Variants in PCDHGA1 observed in about 807,000 individuals in gnomAD.
The protein encoded by PCDHGA1 is protocadherin gamma subfamily A, 1, also known as protocadherin gamma-A1.
Under a neutral mutation model 58.0 loss-of-function variants are expected in PCDHGA1, and 32 were observed. The observed-to-expected ratio is 0.55, with a 90% CI of 0.42 to 0.74. The LOEUF (loss-of-function observed/expected upper bound fraction) is 0.74. Ranked by LOEUF, PCDHGA1 falls within the 30% of genes least tolerant of loss-of-function variation. The pLI, the probability that PCDHGA1 is intolerant of heterozygous loss-of-function variation, is 0.00. For synonymous variants in PCDHGA1, 498 were observed against 501.1 expected (o/e 0.99, Z 0.08); for missense variants, 1,205 against 1,182.3 (o/e 1.02, Z -0.28).
chr5:141,420,188 A>G (rs775537913), intron 1 of PCDHGA1: 1 of 1,613,848 alleles, frequency 6.2e-7, no homozygotes, highest in South Asian at 1.1e-5. Context: ...TTGTCCAGCC[A>G]CACAAGATAA....
In PCDHGA1 at chr5:141,394,367, A is replaced by G. The variant is rs201573539; in HGVS notation, c.2421+61262A>G. 248 of 1,614,150 alleles carry G rather than the reference A, an allele frequency of 1.5e-4. 1 individual carries two copies. Among genetic ancestry groups the G allele is most frequent in the Middle Eastern group, 1.2e-3 (7 of 6,062 alleles). The stretch of plus-strand genomic sequence containing the variant: ...ACACCGGTGTCCTGTATGCGCTGCA[A>G]TCTTTCGACTATGAGCAGATCCGAG... On this transcript the variant is annotated intron_variant, in intron 1 of 3. Coordinates refer to ENST00000517417, the MANE Select transcript of PCDHGA1 (RefSeq NM_018912.3).
intron 1 of PCDHGA1, chr5:141,341,300 G>C: frequency 6.2e-7 from 1 of 1,614,232 alleles, no homozygotes; most frequent in Non-Finnish European, 8.5e-7. Flanking sequence ...CAACTATGCG[G>C]ACACGCTCAT....
chr5:141,343,918 G>A, intron 1 of PCDHGA1: 1 of 951,184 alleles, frequency 1.1e-6, no homozygotes, highest in South Asian at 2.1e-5. Context: ...TAGTCAACCA[G>A]CTGTTTGACC....
At chr5:141,504,660 C>T (rs1002186811) in intron 2 of PCDHGA1, among the ~76,000 whole-genome samples, 8 of 101,980 alleles carry the variant, frequency 7.8e-5, no homozygotes, top group Admixed American at 5.7e-4. Flanking sequence ...TGTTTGAGGG[C>T]GGGGGGTGGG....
At position 141,491,834 on chromosome 5, in the gene PCDHGA1, C is replaced by T; in HGVS notation, c.2422-2973C>T. 6 of 1,473,830 alleles carry T rather than the reference C, an allele frequency of 4.1e-6. No homozygotes were observed. The highest frequency in any genetic ancestry group is 5.4e-6 in the Non-Finnish European group (6 of 1,112,366). The allele number at this position is 1,473,830 out of a possible 1,614,324, so 91.3% of individuals were successfully genotyped here. ...CGCTGGCTGCGCTCCACCCGATTCTCGGGATCATTGGACCGTTTGCGCGAA... is the reference window on the plus strand; with the variant it reads ...CGCTGGCTGCGCTCCACCCGATTCTTGGGATCATTGGACCGTTTGCGCGAA... On this transcript the variant is annotated intron_variant, in intron 1 of 3. Transcript: ENST00000517417. This position sits in a 1 kb window ranked among gnomAD's most constrained non-coding sequence, Gnocchi z 6.9.
rs764482722 is a variant in PCDHGA1 at position 141,432,066 on chromosome 5, C to T, written c.2422-62741C>T. 62 of 1,614,062 alleles carry T rather than the reference C, an allele frequency of 3.8e-5. No individual in the cohort carries two copies. The highest frequency in any genetic ancestry group is 5.2e-5 in the Non-Finnish European group (61 of 1,180,046). On this transcript the variant is annotated intron_variant, in intron 1 of 3. Coordinates refer to ENST00000517417, the MANE Select transcript of PCDHGA1 (RefSeq NM_018912.3). The surrounding 1 kb of genome is among the most constrained non-coding windows in gnomAD (Gnocchi z 6.0). ...GGAACCCCGCCCCTATCCACGGAAA[C>T]TCATATCTCGCTGAACGTGGCAGAC...
rs1490049668 is a variant in PCDHGA1 at position 141,344,911 on chromosome 5, A to T, written c.2421+11806A>T. 3 of 1,613,804 alleles carry T rather than the reference A, an allele frequency of 1.9e-6. No individual in the cohort carries two copies. In the Admixed American group the frequency reaches 5.0e-5, roughly 27 times the overall value. The stretch of plus-strand genomic sequence containing the variant: ...CCTGGGAAAATCGCTGAGATTTTCC[A>T]TCTTAACTCAGTGAGTGGAGAAGTA... On this transcript the variant is annotated intron_variant, in intron 1 of 3. Coordinates refer to ENST00000517417, the MANE Select transcript of PCDHGA1 (RefSeq NM_018912.3).
chr5:141,356,260 A>G (rs1474852125), intron 1 of PCDHGA1: 2 of 1,566,346 alleles, frequency 1.3e-6, no homozygotes, highest in Non-Finnish European at 8.7e-7. Context: ...ATCTCTCACC[A>G]GCTCAGTCCA....
At chr5:141,433,926 A>T (rs2154556019) in intron 1 of PCDHGA1, among the ~76,000 whole-genome samples, 1 of 151,830 alleles carries the variant, frequency 6.6e-6, no homozygotes, top group African/African-American at 2.4e-5. Context: ...CCAAATGAAG[A>T]TTTTATAATT....
chr5:141,351,903 T>G (rs1367972481), intron 1 of PCDHGA1: 63 of 1,613,408 alleles, frequency 3.9e-5, no homozygotes, highest in Non-Finnish European at 5.2e-5. Flanking sequence ...CGCGTGTTGG[T>G]GGGCGACCTC....
chr5:141,502,457 A>G lies in PCDHGA1; in HGVS notation c.2481-2936A>G, dbSNP rs950959171. 6.6e-5 allele frequency among the ~76,000 whole-genome samples: 10 copies of G among 151,926 alleles called. No individual in the cohort carries two copies. The South Asian group carries it at 1.7e-3, about 25-fold the overall frequency. On this transcript the variant is annotated intron_variant, in intron 2 of 3. Coordinates refer to ENST00000517417, the MANE Select transcript of PCDHGA1 (RefSeq NM_018912.3). The stretch of plus-strand genomic sequence containing the variant: ...TTAGATTCAGATTACACACCTTGGT[A>G]GGAATACTTCCCGCAGCATCACACT...
chr5:141,459,756 G>A (rs1455980132), intron 1 of PCDHGA1, among the ~76,000 whole-genome samples: 1 of 152,118 alleles, frequency 6.6e-6, no homozygotes, highest in Non-Finnish European at 1.5e-5. Flanking sequence ...AATTCTAGTG[G>A]GTGTGTGATA....
Position 141,486,274 on chromosome 5 carries a change from T to A in PCDHGA1, c.2422-8533T>A. On this transcript the variant is annotated intron_variant, in intron 1 of 3. Coordinates refer to ENST00000517417, the MANE Select transcript of PCDHGA1 (RefSeq NM_018912.3). The surrounding 1 kb of genome is among the most constrained non-coding windows in gnomAD (Gnocchi z 5.0). ...TCCCCGAGAGTGCAGAACCTGGCAC[T>A]GTGGTGGCACTTATCAGTGTGCAGG... is the stretch of plus-strand genomic sequence containing the variant. 5 of 1,614,064 alleles carry A rather than the reference T, an allele frequency of 3.1e-6. No homozygotes were observed. The highest frequency in any genetic ancestry group is 4.2e-6 in the Non-Finnish European group (5 of 1,179,998).
intron 1 of PCDHGA1, chr5:141,395,493 A>T: frequency 2.0e-6 from 1 of 490,474 alleles, no homozygotes; most frequent in Non-Finnish European, 3.5e-6. Context: ...ATTATCACTC[A>T]TTCACTTAAG....
chr5:141,362,408 C>T lies in PCDHGA1; in HGVS notation c.2421+29303C>T, dbSNP rs756452261. ...TATTCCTACAACCTGTGTGTTGCCT[C>T]ACAATCAGCCAAGACAGAGTTCAAT... On this transcript the variant is annotated intron_variant, in intron 1 of 3. Transcript: ENST00000517417. The T allele has an allele frequency of 1.2e-4, 193 of 1,613,924 alleles. 1 individual carries two copies. The Admixed American group carries it at 3.2e-3, about 27-fold the overall frequency.
At chr5:141,422,167 A>G in intron 1 of PCDHGA1, 1 of 1,562,764 alleles carries the variant, frequency 6.4e-7, no homozygotes, top group Non-Finnish European at 8.6e-7. Context: ...TGAAAAATAT[A>G]GATTCTATGA....
intron 1 of PCDHGA1, among the ~76,000 whole-genome samples, chr5:141,448,877 G>A (rs1421211206): frequency 6.6e-6 from 1 of 152,112 alleles, no homozygotes; most frequent in African/African-American, 2.4e-5. Flanking sequence ...CCTGGGAGGC[G>A]GAGCTTGCAG....
At position 141,345,595 on chromosome 5, in the gene PCDHGA1, A is replaced by G. The variant is rs1430637880; in HGVS notation, c.2421+12490A>G. 1 of 1,614,034 alleles carries G rather than the reference A, an allele frequency of 6.2e-7. No homozygotes were observed. The highest frequency in any genetic ancestry group is 1.3e-5 in the African/African-American group (1 of 74,890). ...GTCCTATACGCGCTGAGATCCTTCG[A>G]CTACGAGCAATTTAGAGACTTAAAG... On this transcript the variant is annotated intron_variant, in intron 1 of 3. Coordinates refer to ENST00000517417, the MANE Select transcript of PCDHGA1 (RefSeq NM_018912.3).
rs185704620 is a variant in PCDHGA1, at chr5:141,396,920, C to T, written c.2421+63815C>T. Among the ~76,000 whole-genome samples the T allele has an allele frequency of 3.3e-5, 5 of 152,316 alleles. No individual in the cohort carries two copies. In the East Asian group the frequency reaches 7.7e-4, roughly 23 times the overall value. ...TATTGGCACTTTGCAATTTTAAAAACTCGGATGAAAGTTGCCCTGGTAGGA... is the reference window on the plus strand; with the variant it reads ...TATTGGCACTTTGCAATTTTAAAAATTCGGATGAAAGTTGCCCTGGTAGGA... On this transcript the variant is annotated intron_variant, in intron 1 of 3. Transcript: ENST00000517417.
Sources: allele counts gnomAD v4.1 joint callset (sites outside exome capture counted in the v4.1 genomes callset), GRCh38; gene constraint gnomAD v4.1.1; non-coding constraint Gnocchi (gnomAD v3.1); transcripts MANE v1.5; gene names NCBI Gene and HGNC (gene_info 2026-07-23, HGNC 2026-07-21).